Variants in ZFYVE26 observed in about 807,000 individuals in gnomAD.
ZFYVE26 encodes the protein zinc finger FYVE-type containing 26, also known as zinc finger FYVE domain-containing protein 26.
In ZFYVE26, 181 loss-of-function variants were observed where a neutral mutation model predicts 276.5. The observed-to-expected ratio is 0.65, with a 90% CI of 0.58 to 0.74. The LOEUF (loss-of-function observed/expected upper bound fraction) is 0.74. Among genes scored for constraint, ZFYVE26 ranks in the 30% least tolerant of loss-of-function variants. The probability of loss-of-function intolerance (pLI) is 0.00; values close to 1 mark genes in which losing one functional copy is unlikely to be tolerated. For synonymous variants in ZFYVE26, 1,129 were observed against 1,203.1 expected (o/e 0.94, Z 1.27); for missense variants, 2,821 against 3,097.9 (o/e 0.91, Z 2.12).
Position 67,785,920 on chromosome 14 carries a change from G to C in ZFYVE26, c.3242C>G (p.Thr1081Ser). ...SLSEDCVASH[T>S]TLSQQLDQVL... is the part of the protein sequence containing the mutation. The stretch of plus-strand genomic sequence containing the variant: ...CTGATCTAGCTGCTGGGAGAGGGTG[G>C]TGTGGCTGGCAACACAGTCCTCGCT... Residue 1081 changes from threonine to serine, a missense_variant, in exon 18 of 42, where the codon ACC becomes AGC. Transcript: ENST00000347230. The C allele has an allele frequency of 1.9e-6, 3 of 1,614,156 alleles. No homozygotes were observed. The highest frequency in any genetic ancestry group is 2.5e-6 in the Non-Finnish European group (3 of 1,180,036).
chr14:67,804,549 A>G (rs187588315), intron 8 of ZFYVE26, among the ~76,000 whole-genome samples: 13 of 152,290 alleles, frequency 8.5e-5, no homozygotes, highest in African/African-American at 2.6e-4. Context: ...TCTAATTTCT[A>G]CACCCTCTCC....
At chr14:67,752,742 A>G (rs973529096) in intron 39 of ZFYVE26, among the ~76,000 whole-genome samples, 1 of 152,216 alleles carries the variant, frequency 6.6e-6, no homozygotes, top group African/African-American at 2.4e-5. Flanking sequence ...CTGCAGCTGT[A>G]GTATCTAAAA....
At chr14:67,773,534 C>CTA (rs2039264783) in intron 27 of ZFYVE26, among the ~76,000 whole-genome samples, 1 of 117,928 alleles carries the variant, frequency 8.5e-6, no homozygotes, top group Non-Finnish European at 1.7e-5. Context: ...ATCCTGTCTC[C>CTA]AAAAAAAAAA....
downstream of ZFYVE26, among the ~76,000 whole-genome samples, chr14:67,743,950 A>G (rs1018004722): frequency 1.3e-5 from 2 of 152,236 alleles, no homozygotes; most frequent in Non-Finnish European, 2.9e-5. Flanking sequence ...AAGGGCTCCA[A>G]GAAGAAATAA....
At position 67,769,673 on chromosome 14, in the gene ZFYVE26, T is replaced by A; in HGVS notation, c.5542A>T (p.Thr1848Ser). The A allele has an allele frequency of 6.2e-7, 1 of 1,614,028 alleles. No individual in the cohort carries two copies. The highest frequency in any genetic ancestry group is 8.5e-7 in the Non-Finnish European group (1 of 1,179,954). Residue 1848 changes from threonine (T) to serine (S), a missense_variant, in exon 29 of 42, where the codon ACT (threonine) becomes TCT (serine). Physicochemically the swap from Thr to Ser is moderately conservative, Grantham distance 58. Coordinates refer to ENST00000347230, the MANE Select transcript of ZFYVE26 (RefSeq NM_015346.4). Reference sequence around the variant, plus strand: ...CAGCCTTCAACCACCATTTTCTTAGTGGAGCAGGAGCTGCACACTAGCCGG... The same window carrying A: ...CAGCCTTCAACCACCATTTTCTTAGAGGAGCAGGAGCTGCACACTAGCCGG... ...CGRLVCSSCS[T>S]KKMVVEGCRE...
intron 25 of ZFYVE26, among the ~76,000 whole-genome samples, chr14:67,776,593 T>C (rs527761274): frequency 6.6e-6 from 1 of 152,336 alleles, no homozygotes; most frequent in African/African-American, 2.4e-5. Context: ...TTCTGTTTAT[T>C]TGAGGCTTTA....
At chr14:67,779,310 C>T (rs966179857) in intron 23 of ZFYVE26, among the ~76,000 whole-genome samples, 2 of 152,162 alleles carry the variant, frequency 1.3e-5, no homozygotes, top group Admixed American at 6.5e-5. Context: ...TGCCTGTAAT[C>T]CCAGCACCTT....
chr14:67,778,604 G>A (rs771298525), intron 23 of ZFYVE26, among the ~76,000 whole-genome samples: 10 of 152,256 alleles, frequency 6.6e-5, no homozygotes, highest in African/African-American at 1.9e-4. Flanking sequence ...TAAAATTTCT[G>A]TATTTTAAAA....
At chr14:67,790,494 A>G in intron 15 of ZFYVE26, 78 bp downstream of exon 15, 1 of 1,480,206 alleles carries the variant, frequency 6.8e-7, no homozygotes, top group Non-Finnish European at 9.4e-7. Flanking sequence ...TGAGGAGCCT[A>G]GGATTTTAGT....
chr14:67,799,928 C>T (rs1258482609), intron 10 of ZFYVE26, among the ~76,000 whole-genome samples: 1 of 152,180 alleles, frequency 6.6e-6, no homozygotes, highest in East Asian at 1.9e-4. Context: ...GGATGTGGTT[C>T]TGTTCATGTT....
intron 27 of ZFYVE26, among the ~76,000 whole-genome samples, chr14:67,773,318 AGG>A (rs780196063): frequency 2.0e-5 from 3 of 152,134 alleles, no homozygotes; most frequent in Non-Finnish European, 2.9e-5. Flanking sequence ...TGGGAGGCCA[AGG>A]TGGGAGGATC....
At chr14:67,753,855 A>G in intron 38 of ZFYVE26, 89 bp from the exon 39 acceptor site, 2 of 1,529,478 alleles carry the variant, frequency 1.3e-6, no homozygotes, top group South Asian at 1.1e-5. Flanking sequence ...TTATTCAATT[A>G]TTCAACAAAT....
chr14:67,807,607 C>A lies in ZFYVE26; in HGVS notation c.677G>T (p.Arg226Leu). Residue 226 changes from arginine to leucine, a missense_variant, in exon 5 of 42, where the codon CGT (arginine) becomes CTT (leucine). Arg to Leu is a moderately radical substitution (Grantham distance 102, BLOSUM62 -2). Transcript: ENST00000347230. ...AACCCCAAGTGGTTCTGCGGGGCAA[C>A]GCAGAGTCCGCAGGGCTCCATAGAT... is the stretch of plus-strand genomic sequence containing the variant. The part of the protein sequence containing the change: ...DAIYGALRTL[R>L]CPAEPLGVEL... The A allele has an allele frequency of 6.2e-7, 1 of 1,614,204 alleles. No homozygotes were observed. The highest frequency in any genetic ancestry group is 8.5e-7 in the Non-Finnish European group (1 of 1,180,038).
chr14:67,768,227 A>G (rs1775229534), intron 30 of ZFYVE26, among the ~76,000 whole-genome samples: 1 of 152,228 alleles, frequency 6.6e-6, no homozygotes, highest in African/African-American at 2.4e-5. Flanking sequence ...GTAGGATGGT[A>G]AAGGGAAACT....
At chr14:67,793,997 A>G (rs1214140091) in intron 13 of ZFYVE26, among the ~76,000 whole-genome samples, 174 bp downstream of exon 13, 1 of 152,168 alleles carries the variant, frequency 6.6e-6, no homozygotes, top group Non-Finnish European at 1.5e-5. Flanking sequence ...CTGTTGCTGG[A>G]TAACTAAATT....
Position 67,794,152 on chromosome 14 carries a change from C to G in ZFYVE26, c.2401+19G>C, listed in dbSNP as rs1348694888. 3 of 1,613,802 alleles carry G rather than the reference C, an allele frequency of 1.9e-6. No individual in the cohort carries two copies. Among genetic ancestry groups the G allele is most frequent in the Middle Eastern group, 1.6e-4 (1 of 6,062 alleles). ...GGGCAAAGCTGCTCAAAGTTGGCAA[C>G]TGGTGGAAATCTGCATACCTGACGT... On this transcript the variant is annotated intron_variant, in intron 13 of 41. Coordinates refer to ENST00000347230, the MANE Select transcript of ZFYVE26 (RefSeq NM_015346.4).
At position 67,762,362 on chromosome 14, in the gene ZFYVE26, G is replaced by A. The variant is rs750612974; in HGVS notation, c.6210C>T (p.Gly2070=). 3.7e-6 allele frequency: 6 copies of A among 1,614,206 alleles called. No homozygotes were observed. The highest frequency in any genetic ancestry group is 1.7e-5 in the Admixed American group (1 of 60,018). Residue 2070 remains glycine, a synonymous_variant, in exon 34 of 42, where the codon GGC becomes GGT. Transcript: ENST00000347230. ...LDTTGAWHAW[G]MACLKAGNLT... ...GGTTCCCGGCTTTGAGGCAGGCCATGCCCCAAGCATGCCACGCCCCGGTGG... is the reference window on the plus strand; with the variant it reads ...GGTTCCCGGCTTTGAGGCAGGCCATACCCCAAGCATGCCACGCCCCGGTGG...
At chr14:67,814,461 G>C (rs551845068) in intron 2 of ZFYVE26, among the ~76,000 whole-genome samples, 3 of 152,324 alleles carry the variant, frequency 2.0e-5, no homozygotes, top group Admixed American at 2.0e-4. Context: ...GGAGGTTGCA[G>C]TGAGCCTAGA....
rs367635920 is a variant in ZFYVE26, at chr14:67,786,230, C to T, written c.3023G>A (p.Arg1008Gln). The change falls in exon 17 of 42, where the codon CGA becomes CAA. Residue 1008 changes from arginine to glutamine, a missense_variant. Arg to Gln is a conservative substitution (Grantham distance 43). Transcript: ENST00000347230. Reference sequence around the variant, plus strand: ...ATTTAGGAGTACGTGGTCTATCCGTCGACCTGGAAATAGATGAAGGAAGAG... The same window carrying T: ...ATTTAGGAGTACGTGGTCTATCCGTTGACCTGGAAATAGATGAAGGAAGAG... ...RLNSSLERRG[R>Q]RIDHVLLNAD... 98 of 1,282,026 alleles carry T rather than the reference C, an allele frequency of 7.6e-5. No homozygotes were observed. Among genetic ancestry groups the T allele is most frequent in the African/African-American group, 1.4e-4 (8 of 57,360 alleles). 79.4% of individuals were successfully genotyped at this position (1,282,026 alleles called of 1,614,324 possible). A position where few individuals can be genotyped will look rare whatever the true frequency, so the allele number is the denominator to read the frequency against.
Sources: allele counts gnomAD v4.1 joint callset (sites outside exome capture counted in the v4.1 genomes callset), GRCh38; gene constraint gnomAD v4.1.1; transcripts MANE v1.5; gene names NCBI Gene and HGNC (gene_info 2026-07-23, HGNC 2026-07-21).